The following LARS2 variants were observed in gnomAD, a reference collection of about 807,000 sequenced individuals.
The protein encoded by LARS2 is leucine--tRNA ligase, mitochondrial.
Under a neutral mutation model 116.6 loss-of-function variants are expected in LARS2, and 81 were observed. The observed-to-expected ratio is 0.69, with a 90% CI of 0.58 to 0.84. LARS2 has a LOEUF of 0.84. LARS2 is among the 40% of genes least tolerant of loss of function. The pLI, the probability that LARS2 is intolerant of heterozygous loss-of-function variation, is 0.00. For synonymous variants in LARS2, 396 were observed against 407.2 expected (o/e 0.97, Z 0.33); for missense variants, 968 against 1,114.5 (o/e 0.87, Z 1.87).
At chr3:45,457,923 C>T (rs1349867966) in intron 7 of LARS2, among the ~76,000 whole-genome samples, 2 of 152,094 alleles carry the variant, frequency 1.3e-5, no homozygotes, top group South Asian at 2.1e-4. Context: ...TGAATGAATC[C>T]ATGGAGACAG....
At chr3:45,511,888 G>C (rs1700297538) in intron 15 of LARS2, among the ~76,000 whole-genome samples, 1 of 145,718 alleles carries the variant, frequency 6.9e-6, no homozygotes, top group African/African-American at 2.6e-5. Context: ...AGCAACCCCT[G>C]CCTCAGCCTC....
At chr3:45,511,436 C>A (rs1339018289) in intron 15 of LARS2, among the ~76,000 whole-genome samples, 1 of 152,060 alleles carries the variant, frequency 6.6e-6, no homozygotes, top group Non-Finnish European at 1.5e-5. Context: ...TGCCTAGAAG[C>A]GGATGGAAGG....
chr3:45,481,859 TTGTC>T (rs1367131471), intron 10 of LARS2, among the ~76,000 whole-genome samples: 1 of 152,212 alleles, frequency 6.6e-6, no homozygotes, highest in African/African-American at 2.4e-5. Context: ...GAAATTAAGT[TTGTC>T]TGTTTTTTCT....
chr3:45,541,993 C>A, intron 21 of LARS2, 37 bp downstream of exon 21: 1 of 1,610,546 alleles, frequency 6.2e-7, no homozygotes, highest in Non-Finnish European at 8.5e-7. Flanking sequence ...CCCAGCAGTC[C>A]CTGCCCTGCT....
intron 6 of LARS2, among the ~76,000 whole-genome samples, chr3:45,442,078 C>T (rs745873840): frequency 1.3e-5 from 2 of 152,138 alleles, no homozygotes; most frequent in African/African-American, 2.4e-5. Context: ...ATTGCCAATG[C>T]TTTTGTAGCT....
intron 21 of LARS2, among the ~76,000 whole-genome samples, chr3:45,546,545 T>G (rs1224278280): frequency 6.6e-6 from 1 of 152,224 alleles, no homozygotes; most frequent in African/African-American, 2.4e-5. Flanking sequence ...GTGCTTTGGT[T>G]GAAACTTGAG....
rs540177697 is a variant in LARS2 at position 45,391,368 on chromosome 3, C to G, written c.-87-215C>G. ...GGTGTGGTGGCGGGCGCCTGTAATCCCAGCTACTCGAGAGGCTGAGGAAGG... is the reference window on the plus strand; with the variant it reads ...GGTGTGGTGGCGGGCGCCTGTAATCGCAGCTACTCGAGAGGCTGAGGAAGG... On this transcript the variant is annotated intron_variant, in intron 1 of 21. Coordinates refer to ENST00000645846, the MANE Select transcript of LARS2 (RefSeq NM_015340.4). 2.6e-5 allele frequency among the ~76,000 whole-genome samples: 4 copies of G among 151,642 alleles called. No individual in the cohort carries two copies. In the South Asian group the frequency reaches 6.2e-4, roughly 24 times the overall value.
chr3:45,516,365 G>A, intron 17 of LARS2, 89 bp downstream of exon 17: 2 of 1,291,482 alleles, frequency 1.5e-6, no homozygotes, highest in African/African-American at 1.5e-5. Context: ...CTTTGCTGAA[G>A]ACAGTGGTAG....
chr3:45,439,290 C>T (rs895786828), intron 6 of LARS2, among the ~76,000 whole-genome samples: 43 of 132,302 alleles, frequency 3.3e-4, no homozygotes, highest in Admixed American at 7.3e-4. Context: ...GGCATGATCT[C>T]GGCTCACCGC....
chr3:45,400,455 A>G (rs1202625267), intron 4 of LARS2, 82 bp downstream of exon 4: 3 of 1,372,328 alleles, frequency 2.2e-6, no homozygotes, highest in African/African-American at 1.5e-5. Context: ...AAGACAAATG[A>G]AGAAAACCAA....
At chr3:45,448,563 A>C (rs1203068887) in intron 7 of LARS2, among the ~76,000 whole-genome samples, 4 of 152,222 alleles carry the variant, frequency 2.6e-5, no homozygotes, top group Admixed American at 2.0e-4. Context: ...TTCAGAGCTG[A>C]GAGCCCCGAA....
intron 10 of LARS2, among the ~76,000 whole-genome samples, chr3:45,484,630 A>AAAATATATATATATATAT (rs1553634443): frequency 1.0e-4 from 1 of 9,740 alleles, no homozygotes; most frequent in African/African-American, 1.8e-4. Context: ...AAAAAAAAAA[A>AAAATATATATATATATAT]ATATATATAT....
At position 45,496,352 on chromosome 3, in the gene LARS2, C is replaced by T. The variant is rs748588001; in HGVS notation, c.1601C>T (p.Thr534Ile). 3.1e-6 allele frequency: 5 copies of T among 1,613,634 alleles called. No homozygotes were observed. In the South Asian group the frequency reaches 4.4e-5, roughly 14 times the overall value. The change falls in exon 14 of 22, where the codon ACT (threonine) becomes ATT (isoleucine). Residue 534 changes from threonine (T) to isoleucine (I), a missense_variant. Thr to Ile is a moderately conservative substitution (Grantham distance 89). Transcript: ENST00000645846. ...VDSAWYYFRY[T>I]DPHNPHSPFN... Reference sequence around the variant, plus strand: ...TCTGCTTGGTACTACTTCAGATACACTGACCCTCATAATCCACACAGGTAA... The same window carrying T: ...TCTGCTTGGTACTACTTCAGATACATTGACCCTCATAATCCACACAGGTAA...
In LARS2 at chr3:45,486,211, G is replaced by T. The variant is rs370361589; in HGVS notation, c.1123+415G>T. On this transcript the variant is annotated intron_variant, in intron 11 of 21. Transcript: ENST00000645846. ...ACCAACAGCAACTGCTGGGACGGGGGTTCAAATGAAGCACAAATGATAGAT... is the reference window on the plus strand; with the variant it reads ...ACCAACAGCAACTGCTGGGACGGGGTTTCAAATGAAGCACAAATGATAGAT... 2.4e-3 allele frequency among the ~76,000 whole-genome samples: 368 copies of T among 152,266 alleles called. 12 individuals carry two copies. In the South Asian group the frequency reaches 0.07, roughly 29 times the overall value.
intron 4 of LARS2, among the ~76,000 whole-genome samples, chr3:45,414,473 AT>A (rs1326326875): frequency 6.6e-6 from 1 of 152,154 alleles, no homozygotes; most frequent in Non-Finnish European, 1.5e-5. Flanking sequence ...CCATTCTGAT[AT>A]GCGTGTGTGG....
intron 7 of LARS2, among the ~76,000 whole-genome samples, chr3:45,453,916 A>C (rs542820444): frequency 2.0e-5 from 3 of 152,118 alleles, no homozygotes; most frequent in Middle Eastern, 3.4e-3. Flanking sequence ...CGGGGAAAAC[A>C]ATGGAGAGTA....
intron 15 of LARS2, among the ~76,000 whole-genome samples, chr3:45,501,107 T>C (rs1055355088): frequency 8.5e-6 from 1 of 118,302 alleles, no homozygotes; most frequent in African/African-American, 2.6e-5. Context: ...AAACGTATCA[T>C]ATATAAAAAT....
chr3:45,511,644 A>C (rs894298332), intron 15 of LARS2, among the ~76,000 whole-genome samples: 1 of 152,008 alleles, frequency 6.6e-6, no homozygotes, highest in Admixed American at 6.6e-5. Flanking sequence ...GGGGTTAGTC[A>C]GTTTTTCGCA....
At position 45,400,287 on chromosome 3, in the gene LARS2, CCTT is replaced by C; in HGVS notation, c.280_282del (p.Ser94del). 1 of 1,613,904 alleles carries C rather than the reference CCTT, an allele frequency of 6.2e-7. No individual in the cohort carries two copies. The highest frequency in any genetic ancestry group is 1.1e-5 in the South Asian group (1 of 91,040). ...TTACGTGCTTTCCATGTTCCCTTATCCTTCTGGTAAGCTGCACATGGGCCATGT... is the reference window on the plus strand; with the variant it reads ...TTACGTGCTTTCCATGTTCCCTTATCCTGGTAAGCTGCACATGGGCCATGT... On this transcript the variant is annotated inframe_deletion, in exon 4 of 22. Coordinates refer to ENST00000645846, the MANE Select transcript of LARS2 (RefSeq NM_015340.4).
Sources: gnomAD v4.1 joint callset for allele counts (sites outside exome capture counted in the v4.1 genomes callset) on GRCh38, gnomAD v4.1.1 for gene constraint, MANE v1.5 for transcripts, NCBI Gene and HGNC (gene_info 2026-07-23, HGNC 2026-07-21) for gene names.